Variants in WIPF1 observed in about 807,000 individuals in gnomAD.
The protein encoded by WIPF1 is WAS/WASL-interacting protein family member 1.
In WIPF1, 13 loss-of-function variants were observed where a neutral mutation model predicts 35.4. The observed-to-expected ratio is 0.37, with a 90% CI of 0.24 to 0.58. WIPF1 has a LOEUF of 0.58. WIPF1 is among the 20% of genes least tolerant of loss of function. The probability of loss-of-function intolerance (pLI) is 0.74; values close to 1 mark genes in which losing one functional copy is unlikely to be tolerated. For missense variants in WIPF1, 591 were observed against 667.0 expected (o/e 0.89, Z 1.25); for synonymous variants, 267 against 266.3 (o/e 1.00, Z -0.02).
rs1684861884 is a variant in WIPF1, at chr2:174,571,880, G to A, written c.925C>T (p.Pro309Ser). The A allele has an allele frequency of 6.2e-7, 1 of 1,613,374 alleles. No individual in the cohort carries two copies. The highest frequency in any genetic ancestry group is 8.5e-7 in the Non-Finnish European group (1 of 1,179,720). The change falls in exon 5 of 8, where the codon CCG becomes TCG. Residue 309 changes from proline (P) to serine (S), a missense_variant. Physicochemically the swap from Pro to Ser is moderately conservative, Grantham distance 74. Coordinates refer to ENST00000679041, the MANE Select transcript of WIPF1 (RefSeq NM_001375834.1). The surrounding 1 kb of genome is among the most constrained non-coding windows in gnomAD (Gnocchi z 4.6). ...RPSASSQAPP[P>S]PPPPSRPGPP... Reference sequence around the variant, plus strand: ...CCGGGCCTGCTGGGAGGTGGCGGCGGAGGTGGGGCCTGTGAGGAGGCCGAA... The same window carrying A: ...CCGGGCCTGCTGGGAGGTGGCGGCGAAGGTGGGGCCTGTGAGGAGGCCGAA...
chr2:174,651,315 A>G (rs1054477448), intron 1 of WIPF1, among the ~76,000 whole-genome samples: 1 of 152,252 alleles, frequency 6.6e-6, no homozygotes, highest in East Asian at 1.9e-4. Flanking sequence ...AAGTATTTAC[A>G]TGAATCAACA....
intron 1 of WIPF1, among the ~76,000 whole-genome samples, chr2:174,605,282 A>T (rs1686124579): frequency 6.6e-6 from 1 of 152,072 alleles, no homozygotes; most frequent in South Asian, 2.1e-4. Flanking sequence ...AAAATACAAA[A>T]ATTAGCTGGG....
chr2:174,624,060 A>G lies in WIPF1; in HGVS notation c.-38-38449T>C, dbSNP rs557442362. Among the ~76,000 whole-genome samples the G allele has an allele frequency of 3.3e-5, 5 of 152,346 alleles. No homozygotes were observed. In the South Asian group the frequency reaches 1.0e-3, roughly 32 times the overall value. ...AAAAAACATGTGGTACTGCTAGTGC[A>G]GCTCAGAAATAGATCAACTTTGAAA... On this transcript the variant is annotated intron_variant, in intron 1 of 8. Transcript: ENST00000272746.
chr2:174,626,411 C>T (rs1178680813), intron 1 of WIPF1, among the ~76,000 whole-genome samples: 1 of 152,136 alleles, frequency 6.6e-6, no homozygotes, highest in African/African-American at 2.4e-5. Flanking sequence ...AAACCAAGAC[C>T]ATTAAGAAAG....
intron 1 of WIPF1, among the ~76,000 whole-genome samples, chr2:174,645,084 G>A (rs1352839437): frequency 2.0e-5 from 3 of 152,138 alleles, no homozygotes; most frequent in African/African-American, 7.2e-5. Context: ...TCAGTCACTC[G>A]ATTTACTGAA....
intron 1 of WIPF1, among the ~76,000 whole-genome samples, chr2:174,663,459 G>A (rs552207149): frequency 6.6e-5 from 10 of 152,192 alleles, no homozygotes; most frequent in African/African-American, 2.2e-4. Flanking sequence ...TCCCCTCCAC[G>A]CATTCCCCTT....
intron 1 of WIPF1, among the ~76,000 whole-genome samples, chr2:174,627,542 CTCTT>C (rs1436739796): frequency 1.4e-4 from 19 of 135,128 alleles, no homozygotes; most frequent in South Asian, 2.4e-4. Context: ...CTCTTTCTTT[CTCTT>C]TCTTTTTTTT....
intron 1 of WIPF1, among the ~76,000 whole-genome samples, chr2:174,609,347 A>G (rs1686273188): frequency 6.6e-6 from 1 of 152,208 alleles, no homozygotes; most frequent in African/African-American, 2.4e-5. Flanking sequence ...CGGTAATGCA[A>G]ATGTCATACA....
intron 1 of WIPF1, among the ~76,000 whole-genome samples, chr2:174,606,018 T>C (rs1686152579): frequency 6.6e-6 from 1 of 152,136 alleles, no homozygotes; most frequent in African/African-American, 2.4e-5. Flanking sequence ...AGAAACTGGA[T>C]AGAATGAGGG....
At chr2:174,620,463 T>C (rs193080550) in intron 1 of WIPF1, among the ~76,000 whole-genome samples, 1 of 152,388 alleles carries the variant, frequency 6.6e-6, no homozygotes. Flanking sequence ...ATCTTCATAG[T>C]ACCAAGTTAG....
At chr2:174,661,425 A>G (rs1687757413) in intron 1 of WIPF1, among the ~76,000 whole-genome samples, 1 of 151,020 alleles carries the variant, frequency 6.6e-6, no homozygotes, top group Non-Finnish European at 1.5e-5. Context: ...TCTTTTCCGG[A>G]CTTGTCCAGT....
chr2:174,566,793 A>G (rs1684674482), intron 7 of WIPF1: 1 of 328,828 alleles, frequency 3.0e-6, no homozygotes, highest in Middle Eastern at 8.6e-4. Flanking sequence ...ATGAAAACAG[A>G]GGAAGACGTC....
chr2:174,644,043 T>C (rs576715200), intron 1 of WIPF1, among the ~76,000 whole-genome samples: 271 of 152,326 alleles, frequency 1.8e-3, no homozygotes, highest in African/African-American at 6.2e-3. Flanking sequence ...ACATTTATTT[T>C]TGTTTAACTT....
rs148978529 is a variant in WIPF1, at chr2:174,588,130, C to T, written c.-38-2519G>A. 3.0e-4 allele frequency among the ~76,000 whole-genome samples: 45 copies of T among 152,264 alleles called. No homozygotes were observed. The East Asian group carries it at 7.3e-3, about 25-fold the overall frequency. Reference sequence around the variant, plus strand: ...CAGCAGGAACGAAAGGGATCTGATTCAGGCCTGACTACTGCGAAAGATGCT... The same window carrying T: ...CAGCAGGAACGAAAGGGATCTGATTTAGGCCTGACTACTGCGAAAGATGCT... On this transcript the variant is annotated intron_variant, in intron 1 of 7. Coordinates refer to ENST00000679041, the MANE Select transcript of WIPF1 (RefSeq NM_001375834.1).
chr2:174,613,712 T>C (rs1322421250), intron 1 of WIPF1, among the ~76,000 whole-genome samples: 1 of 152,058 alleles, frequency 6.6e-6, no homozygotes, highest in African/African-American at 2.4e-5. Context: ...CAAGGGTAGG[T>C]TGGGCAGGGA....
intron 1 of WIPF1, among the ~76,000 whole-genome samples, chr2:174,671,209 AAC>A (rs1239965412): frequency 3.9e-5 from 6 of 152,198 alleles, no homozygotes; most frequent in Non-Finnish European, 8.8e-5. Context: ...TCCCCAAATT[AAC>A]ACTTTTATAA....
rs970244262 is a variant in WIPF1 at position 174,560,382 on chromosome 2, C to T, written c.*2165G>A. On this transcript the variant is annotated 3_prime_UTR_variant, in exon 8 of 8. Transcript: ENST00000679041. ...CAAAGGAATTGTCCAATTCTTACTA[C>T]CCCTTATAAAATTCAGACCCACTTT... The T allele has an allele frequency of 6.6e-6, 1 of 152,576 alleles. No homozygotes were observed. Among genetic ancestry groups the T allele is most frequent in the African/African-American group, 2.4e-5 (1 of 41,442 alleles). 9.5% of individuals were successfully genotyped at this position (152,576 alleles called of 1,614,324 possible).
At chr2:174,593,733 GA>G (rs1685705199) in intron 1 of WIPF1, among the ~76,000 whole-genome samples, 1 of 152,198 alleles carries the variant, frequency 6.6e-6, no homozygotes, top group African/African-American at 2.4e-5. Context: ...CAGTTGCCTG[GA>G]GTTTCTATTT....
upstream of WIPF1, among the ~76,000 whole-genome samples, chr2:174,601,195 G>A (rs1186021656): frequency 1.3e-5 from 2 of 152,096 alleles, no homozygotes; most frequent in African/African-American, 2.4e-5. Context: ...CCAAAGTGCT[G>A]GGATTATAGG....
Sources: gnomAD v4.1 joint callset for allele counts (sites outside exome capture counted in the v4.1 genomes callset) on GRCh38, gnomAD v4.1.1 for gene constraint, Gnocchi (gnomAD v3.1) non-coding constraint, MANE v1.5 for transcripts, NCBI Gene and HGNC (gene_info 2026-07-23, HGNC 2026-07-21) for gene names.